NCKAP1: variants seen among roughly 807,000 people sequenced by gnomAD.
NCKAP1 encodes the protein nck-associated protein 1.
A neutral mutation model predicts 151.2 loss-of-function variants in NCKAP1; 21 were observed. That is an observed-to-expected ratio of 0.14 (90% confidence interval 0.10 to 0.20). The LOEUF is 0.20. Ranked by LOEUF, NCKAP1 falls within the 10% of genes least tolerant of loss-of-function variation. The pLI, the probability that NCKAP1 is intolerant of heterozygous loss-of-function variation, is 1.00. For missense variants in NCKAP1, 933 were observed against 1,352.1 expected (o/e 0.69, Z 4.86); for synonymous variants, 484 against 451.8 (o/e 1.07, Z -0.90).
intron 16 of NCKAP1, among the ~76,000 whole-genome samples, chr2:182,965,984 T>C (rs1281546784): frequency 6.6e-6 from 1 of 152,170 alleles, no homozygotes; most frequent in East Asian, 1.9e-4. Context: ...ACCTGGTGAT[T>C]TGAATTTCTT....
intron 4 of NCKAP1, 136 bp downstream of exon 4, chr2:183,002,838 A>G: frequency 1.7e-6 from 1 of 582,892 alleles, no homozygotes; most frequent in East Asian, 2.9e-5. Context: ...TTTTTAAAAA[A>G]GCTATAAAAC....
In NCKAP1 at chr2:182,923,571, T is replaced by A. The variant is rs1048294490; in HGVS notation, c.*2131A>T. 11 of 152,142 alleles carry A rather than the reference T, an allele frequency of 7.2e-5. No homozygotes were observed. Among genetic ancestry groups the A allele is most frequent in the Non-Finnish European group, 1.5e-4 (10 of 68,022 alleles). The allele number at this position is 152,142 out of a possible 1,614,324, so 9.4% of individuals were successfully genotyped here. A position where few individuals can be genotyped will look rare whatever the true frequency, so the allele number is the denominator to read the frequency against. On this transcript the variant is annotated 3_prime_UTR_variant, in exon 31 of 31. Transcript: ENST00000361354. Reference sequence around the variant, plus strand: ...AGGCGTGTGCCACTACGCCTGGCCATGAAATTGTTAAATTAGTTATGGTAT... The same window carrying A: ...AGGCGTGTGCCACTACGCCTGGCCAAGAAATTGTTAAATTAGTTATGGTAT...
intron 15 of NCKAP1, among the ~76,000 whole-genome samples, chr2:182,968,390 C>T (rs552201106): frequency 3.4e-4 from 51 of 152,230 alleles, no homozygotes; most frequent in African/African-American, 1.1e-3. Flanking sequence ...AGGATTTTGG[C>T]TGTTGGGAGA....
At chr2:183,032,419 C>T (rs760172618) in intron 1 of NCKAP1, among the ~76,000 whole-genome samples, 22 of 152,120 alleles carry the variant, frequency 1.4e-4, no homozygotes, top group Non-Finnish European at 2.9e-4. Context: ...AACATCAGAG[C>T]GTACTTACAT....
chr2:182,930,849 A>C (rs1263092971), intron 26 of NCKAP1, 61 bp from the exon 27 acceptor site: 2 of 1,427,200 alleles, frequency 1.4e-6, no homozygotes, highest in Non-Finnish European at 2.0e-6. Context: ...GAGAAAGCTC[A>C]CTGTTTATTA....
At chr2:182,996,369 G>C (rs1447924589) in intron 6 of NCKAP1, among the ~76,000 whole-genome samples, 1 of 152,038 alleles carries the variant, frequency 6.6e-6, no homozygotes, top group Non-Finnish European at 1.5e-5. Context: ...TATTATCAAG[G>C]TATTTAACGT....
chr2:182,955,628 G>C (rs552461687), intron 20 of NCKAP1, among the ~76,000 whole-genome samples: 17 of 152,218 alleles, frequency 1.1e-4, no homozygotes, highest in African/African-American at 3.6e-4. Flanking sequence ...GGTTCATCTA[G>C]TCCTCAGGTC....
chr2:182,998,267 C>T (rs542825406), intron 6 of NCKAP1, among the ~76,000 whole-genome samples: 18 of 152,148 alleles, frequency 1.2e-4, no homozygotes, highest in African/African-American at 4.3e-4. Flanking sequence ...TGGAACAAGA[C>T]AAGGGTGTCT....
At chr2:182,985,898 T>C (rs911309749) in intron 10 of NCKAP1, among the ~76,000 whole-genome samples, 1 of 152,038 alleles carries the variant, frequency 6.6e-6, no homozygotes, top group Non-Finnish European at 1.5e-5. Flanking sequence ...ATGCAGAGCA[T>C]AGTGGCAGTG....
chr2:182,979,818 TAAG>T (rs1697901841), intron 13 of NCKAP1, among the ~76,000 whole-genome samples: 1 of 152,104 alleles, frequency 6.6e-6, no homozygotes, highest in African/African-American at 2.4e-5. Flanking sequence ...GTATTGGTGA[TAAG>T]GAGCAAATTA....
At chr2:183,011,494 A>C (rs921927357) in intron 2 of NCKAP1, among the ~76,000 whole-genome samples, 4 of 152,182 alleles carry the variant, frequency 2.6e-5, no homozygotes, top group Non-Finnish European at 5.9e-5. Context: ...CTTTATCAAT[A>C]AGCTTGCCTT....
At chr2:182,972,038 A>G (rs1697707119) in intron 15 of NCKAP1, among the ~76,000 whole-genome samples, 1 of 152,136 alleles carries the variant, frequency 6.6e-6, no homozygotes, top group South Asian at 2.1e-4. Flanking sequence ...CAAAAGCCAC[A>G]GTGAACAAAA....
chr2:182,988,282 A>C (rs977889300), intron 9 of NCKAP1, among the ~76,000 whole-genome samples: 9 of 152,340 alleles, frequency 5.9e-5, no homozygotes, highest in Non-Finnish European at 8.8e-5. Context: ...CAATGTCATT[A>C]AGTCATTATT....
At chr2:183,001,079 C>A (rs1008545619) in intron 6 of NCKAP1, among the ~76,000 whole-genome samples, 1 of 152,252 alleles carries the variant, frequency 6.6e-6, no homozygotes, top group South Asian at 2.1e-4. Context: ...GGCGACAGAG[C>A]GAGACGCTGT....
At chr2:182,997,193 A>T (rs1001878960) in intron 6 of NCKAP1, among the ~76,000 whole-genome samples, 8 of 152,136 alleles carry the variant, frequency 5.3e-5, no homozygotes, top group African/African-American at 1.7e-4. Context: ...CAATCCTTTC[A>T]AAAAACTAAC....
chr2:182,969,171 A>G (rs1697635557), intron 15 of NCKAP1, among the ~76,000 whole-genome samples: 1 of 152,202 alleles, frequency 6.6e-6, no homozygotes, highest in Non-Finnish European at 1.5e-5. Context: ...TCATCAGAAC[A>G]TGGGATAGTC....
chr2:182,930,671 T>C (rs769304819), intron 27 of NCKAP1, 24 bp downstream of exon 27: 8 of 1,582,380 alleles, frequency 5.1e-6, no homozygotes, highest in Non-Finnish European at 5.2e-6. Flanking sequence ...CTAAGAGTAT[T>C]AAATATTTAC....
In NCKAP1 at chr2:182,981,238, T is replaced by G; in HGVS notation, c.1341+6A>C. 6.2e-7 allele frequency: 1 copy of G among 1,612,500 alleles called. No individual in the cohort carries two copies. Among genetic ancestry groups the G allele is most frequent in the Non-Finnish European group, 8.5e-7 (1 of 1,179,308 alleles). ...CAAAAGGGAAATAGTATGAGATAGT[T>G]TTTACCTGCACGAGTTCATTGAGGA... On this transcript the variant is annotated splice_donor_region_variant and intron_variant, in intron 13 of 30. Coordinates refer to ENST00000361354, the MANE Select transcript of NCKAP1 (RefSeq NM_013436.5).
intron 2 of NCKAP1, among the ~76,000 whole-genome samples, chr2:183,006,326 A>G (rs573926904): frequency 6.6e-6 from 1 of 152,374 alleles, no homozygotes; most frequent in East Asian, 1.9e-4. Flanking sequence ...AATGCCTCAC[A>G]GCCAGAAGCT....
Sources: gnomAD v4.1 joint callset for allele counts (sites outside exome capture counted in the v4.1 genomes callset) on GRCh38, gnomAD v4.1.1 for gene constraint, MANE v1.5 for transcripts, NCBI Gene and HGNC (gene_info 2026-07-23, HGNC 2026-07-21) for gene names.